The following ADAMTSL1 variants were observed in gnomAD, a reference collection of about 807,000 sequenced individuals.
The protein encoded by ADAMTSL1 is ADAMTS like 1, also known as ADAMTS-like protein 1.
ADAMTSL1 carries 126 observed loss-of-function variants against 201.8 expected under a neutral mutation model. The ratio of observed to expected loss-of-function variants is 0.62; its 90% CI spans 0.54 to 0.72. The LOEUF is 0.72. Among genes scored for constraint, ADAMTSL1 ranks in the 30% least tolerant of loss-of-function variants. The pLI is 0.00. For missense variants in ADAMTSL1, 2,679 were observed against 2,277.8 expected (o/e 1.18, Z -3.59); for synonymous variants, 1,121 against 903.4 (o/e 1.24, Z -4.32).
At chr9:18,122,729 G>T (rs1427064089) in intron 1 of ADAMTSL1, among the ~76,000 whole-genome samples, 1 of 152,122 alleles carries the variant, frequency 6.6e-6, no homozygotes, top group Non-Finnish European at 1.5e-5. Flanking sequence ...AGCGGTGCTG[G>T]TACTAATTCT....
chr9:18,735,543 T>G (rs1246252642), intron 15 of ADAMTSL1, among the ~76,000 whole-genome samples: 2 of 152,102 alleles, frequency 1.3e-5, no homozygotes, highest in African/African-American at 4.8e-5. Flanking sequence ...CAGAGACCTC[T>G]CAGATGTGGA....
At position 18,524,836 on chromosome 9, in the gene ADAMTSL1, G is replaced by A. The variant is rs567112971; in HGVS notation, c.192-8411G>A. Among the ~76,000 whole-genome samples, 775 of 152,186 alleles carry A rather than the reference G, an allele frequency of 5.1e-3. 9 individuals carry two copies. Among genetic ancestry groups the A allele is most frequent in the African/African-American group, 0.018 (744 of 41,528 alleles). On this transcript the variant is annotated intron_variant, in intron 2 of 28. Coordinates refer to ENST00000380548, the MANE Select transcript of ADAMTSL1 (RefSeq NM_001040272.6). ...AGCTTTTTGATGTGCTGCTGGATTC[G>A]GTTTGCCAGTATTTTATTGAGGATT...
intron 2 of ADAMTSL1, among the ~76,000 whole-genome samples, chr9:18,354,174 A>G (rs1014673372): frequency 2.6e-5 from 4 of 151,382 alleles, no homozygotes; most frequent in African/African-American, 7.3e-5. Flanking sequence ...GTGTAAATAC[A>G]TATTTATATT....
At chr9:17,945,926 C>G (rs563359700) in intron 1 of ADAMTSL1, among the ~76,000 whole-genome samples, 1 of 151,534 alleles carries the variant, frequency 6.6e-6, no homozygotes, top group Non-Finnish European at 1.5e-5. Flanking sequence ...TGTAACTAAC[C>G]TGCACATGGT....
rs760888053 is a variant in ADAMTSL1, at chr9:18,817,117, C to T, written c.3814C>T (p.Leu1272=). ...SIAVTLAGKP[L]VKTSRMTVIN... is the part of the protein sequence containing the mutation. The stretch of plus-strand genomic sequence containing the variant: ...TTCTTTCTTATCTTCAGGAAAGCCA[C>T]TAGTGAAAACGTCACGAATGACAGT... Residue 1272 remains leucine, a synonymous_variant, in exon 21 of 29, where the codon CTA becomes TTA. Transcript: ENST00000380548. The T allele has an allele frequency of 1.9e-6, 3 of 1,608,970 alleles. No individual in the cohort carries two copies. Among genetic ancestry groups the T allele is most frequent in the African/African-American group, 2.7e-5 (2 of 74,868 alleles).
At chr9:18,121,903 C>G (rs1229024192) in intron 1 of ADAMTSL1, among the ~76,000 whole-genome samples, 1 of 152,110 alleles carries the variant, frequency 6.6e-6, no homozygotes, top group Non-Finnish European at 1.5e-5. Context: ...CAAAAGATCC[C>G]TTGTACCAAT....
intron 2 of ADAMTSL1, among the ~76,000 whole-genome samples, chr9:18,294,895 T>C (rs997912299): frequency 3.3e-5 from 5 of 152,184 alleles, no homozygotes; most frequent in African/African-American, 9.7e-5. Context: ...CATTTGGTTA[T>C]ATTAGATAGA....
intron 1 of ADAMTSL1, among the ~76,000 whole-genome samples, chr9:18,142,434 A>G (rs751834167): frequency 2.5e-4 from 38 of 152,220 alleles, no homozygotes; most frequent in Non-Finnish European, 5.0e-4. Context: ...TTAAAACCTT[A>G]GAAATCTCTT....
intron 1 of ADAMTSL1, among the ~76,000 whole-genome samples, chr9:18,097,575 T>A (rs1215278744): frequency 6.6e-6 from 1 of 152,216 alleles, no homozygotes; most frequent in African/African-American, 2.4e-5. Flanking sequence ...TTGTTAATAC[T>A]TCGTGTGGTC....
intron 9 of ADAMTSL1, 41 bp downstream of exon 9, chr9:18,662,114 C>G (rs563794441): frequency 2.5e-6 from 4 of 1,590,764 alleles, no homozygotes; most frequent in South Asian, 1.2e-5. Context: ...AAACATAACT[C>G]AAGTTCCAAA....
chr9:18,448,730 T>C (rs900755180), intron 2 of ADAMTSL1, among the ~76,000 whole-genome samples: 1 of 152,194 alleles, frequency 6.6e-6, no homozygotes, highest in Admixed American at 6.5e-5. Flanking sequence ...ACGTAGTATA[T>C]TTTATGATTG....
At chr9:18,059,060 G>T (rs1032211426) in intron 1 of ADAMTSL1, among the ~76,000 whole-genome samples, 9 of 152,106 alleles carry the variant, frequency 5.9e-5, no homozygotes, top group African/African-American at 1.9e-4. Flanking sequence ...CTGTTACTTT[G>T]GTCCTATCCA....
chr9:18,395,268 A>G (rs1817707099), intron 2 of ADAMTSL1, among the ~76,000 whole-genome samples: 1 of 152,210 alleles, frequency 6.6e-6, no homozygotes, highest in African/African-American at 2.4e-5. Flanking sequence ...GGTTTTTAAA[A>G]AAGAATCATG....
chr9:18,683,300 C>G (rs889416011), intron 12 of ADAMTSL1, among the ~76,000 whole-genome samples: 2 of 151,304 alleles, frequency 1.3e-5, no homozygotes, highest in African/African-American at 2.4e-5. Context: ...TCTCGGCTCA[C>G]TGCAACCTCT....
intron 3 of ADAMTSL1, among the ~76,000 whole-genome samples, chr9:18,545,697 T>G (rs913911383): frequency 1.3e-5 from 2 of 152,150 alleles, no homozygotes; most frequent in Non-Finnish European, 2.9e-5. Flanking sequence ...CTTTCTCAAG[T>G]CCTAGTTTCT....
intron 2 of ADAMTSL1, among the ~76,000 whole-genome samples, chr9:18,408,209 C>T (rs986560757): frequency 6.6e-6 from 1 of 152,164 alleles, no homozygotes; most frequent in Non-Finnish European, 1.5e-5. Flanking sequence ...TGGCTGACAC[C>T]TGCAATCCCA....
In ADAMTSL1 at chr9:18,316,620, C is replaced by T. The variant is rs548175531; in HGVS notation, c.207+152639C>T. Among the ~76,000 whole-genome samples the T allele has an allele frequency of 6.6e-5, 10 of 152,208 alleles. No individual in the cohort carries two copies. In the South Asian group the frequency reaches 2.1e-3, roughly 32 times the overall value. ...TTATTCCCTGAACAACTGCTGTTATCCTGTTCTTTTTTTCAAGGTGCCCAG... is the reference window on the plus strand; with the variant it reads ...TTATTCCCTGAACAACTGCTGTTATTCTGTTCTTTTTTTCAAGGTGCCCAG... On this transcript the variant is annotated intron_variant, in intron 2 of 29. Coordinates refer to the ADAMTSL1 transcript ENST00000680146.
At chr9:18,690,851 C>T (rs1169330230) in intron 13 of ADAMTSL1, among the ~76,000 whole-genome samples, 2 of 152,190 alleles carry the variant, frequency 1.3e-5, no homozygotes, top group Non-Finnish European at 2.9e-5. Context: ...ATTCCATATT[C>T]TAGATGACTT....
At position 18,084,368 on chromosome 9, in the gene ADAMTSL1, A is replaced by G. The variant is rs1486873330; in HGVS notation, c.88-79494A>G. Among the ~76,000 whole-genome samples, 8 of 151,408 alleles carry G rather than the reference A, an allele frequency of 5.3e-5. No individual in the cohort carries two copies. In the East Asian group the frequency reaches 1.4e-3, roughly 26 times the overall value. On this transcript the variant is annotated intron_variant, in intron 1 of 29. Transcript: ENST00000680146. Reference sequence around the variant, plus strand: ...GAAACCCCGTCTCTACTAAAAATGCAAAAATTAGCTGGGCGCGGTGGTGTG... The same window carrying G: ...GAAACCCCGTCTCTACTAAAAATGCGAAAATTAGCTGGGCGCGGTGGTGTG...
Sources: allele counts gnomAD v4.1 joint callset (sites outside exome capture counted in the v4.1 genomes callset), GRCh38; gene constraint gnomAD v4.1.1; transcripts MANE v1.5; gene names NCBI Gene and HGNC (gene_info 2026-07-23, HGNC 2026-07-21).